Variants in REDIC1 observed in about 807,000 individuals in gnomAD.
REDIC1 encodes HEI10 Interacting Protein 1.
chr12:39,726,388 C>T, the REDIC1 span, among the ~76,000 whole-genome samples: 1 of 152,270 alleles, frequency 6.6e-6, no homozygotes, highest in Admixed American at 6.5e-5. Context: ...ACTCAACTCC[C>T]ACTTACGAGT....
the REDIC1 span, among the ~76,000 whole-genome samples, chr12:39,826,003 T>C: frequency 1.3e-5 from 2 of 152,152 alleles, no homozygotes; most frequent in South Asian, 2.1e-4. Flanking sequence ...AATATCTTTC[T>C]GTTGTTTTGT....
At chr12:39,902,791 TTTTAGTTATCTACTATGAATGAGG>T in the REDIC1 span, among the ~76,000 whole-genome samples, 1 of 152,134 alleles carries the variant, frequency 6.6e-6, no homozygotes, top group Non-Finnish European at 1.5e-5. Flanking sequence ...GTTTATATAG[TTTTAGTTATCTACTATGAATGAGG>T]TGAGTGGCAT....
At chr12:39,841,249 C>A in the REDIC1 span, among the ~76,000 whole-genome samples, 1 of 152,084 alleles carries the variant, frequency 6.6e-6, no homozygotes, top group African/African-American at 2.4e-5. Context: ...AGCCTAGTAG[C>A]CAGAATGGTT....
At chr12:39,901,007 C>A in the REDIC1 span, among the ~76,000 whole-genome samples, 4 of 152,244 alleles carry the variant, frequency 2.6e-5, no homozygotes, top group East Asian at 7.7e-4. Flanking sequence ...ATCAATGGAA[C>A]TGAACAGAGC....
chr12:39,851,184 GT>G, the REDIC1 span, among the ~76,000 whole-genome samples: 1 of 152,142 alleles, frequency 6.6e-6, no homozygotes, highest in Admixed American at 6.5e-5. Context: ...ACAGGCATGA[GT>G]CACCGTGTCC....
At chr12:39,711,989 T>C in the REDIC1 span, among the ~76,000 whole-genome samples, 1 of 138,138 alleles carries the variant, frequency 7.2e-6, no homozygotes, top group Non-Finnish European at 1.6e-5. Context: ...GTCATGTCTA[T>C]ATACATGTCT....
the REDIC1 span, among the ~76,000 whole-genome samples, chr12:39,657,523 G>A: frequency 6.6e-6 from 1 of 152,136 alleles, no homozygotes; most frequent in Non-Finnish European, 1.5e-5. Flanking sequence ...TCTCTTTTGT[G>A]GGAAGTATTT....
At chr12:39,838,921 T>G in the REDIC1 span, among the ~76,000 whole-genome samples, 2 of 152,088 alleles carry the variant, frequency 1.3e-5, no homozygotes, top group Non-Finnish European at 1.5e-5. Context: ...AAAATGCCTG[T>G]CTCTAGAATG....
the REDIC1 span, among the ~76,000 whole-genome samples, chr12:39,703,684 A>T: frequency 6.6e-6 from 1 of 152,208 alleles, no homozygotes; most frequent in Non-Finnish European, 1.5e-5. Flanking sequence ...AAACTATACT[A>T]CAAGGCTACA....
the REDIC1 span, among the ~76,000 whole-genome samples, chr12:39,736,500 T>C: frequency 6.6e-6 from 1 of 152,232 alleles, no homozygotes. Context: ...GAAAGGAATA[T>C]AAAAATTTGT....
the REDIC1 span, among the ~76,000 whole-genome samples, chr12:39,722,683 A>G: frequency 4.5e-4 from 68 of 152,286 alleles, no homozygotes; most frequent in African/African-American, 1.6e-3. Flanking sequence ...GTTTTTATCA[A>G]TATCATAATG....
chr12:39,734,757 A>G, the REDIC1 span, among the ~76,000 whole-genome samples: 4 of 152,192 alleles, frequency 2.6e-5, no homozygotes, highest in African/African-American at 9.7e-5. Flanking sequence ...CCAATATCAT[A>G]CTATCTTGAT....
the REDIC1 span, among the ~76,000 whole-genome samples, chr12:39,803,579 T>C: frequency 2.6e-5 from 4 of 151,856 alleles, no homozygotes; most frequent in African/African-American, 4.8e-5. Context: ...TACACACACA[T>C]ATATATATAG....
the REDIC1 span, among the ~76,000 whole-genome samples, chr12:39,655,068 G>T: frequency 2.6e-5 from 4 of 151,962 alleles, no homozygotes; most frequent in African/African-American, 9.7e-5. Context: ...TGTAAGATTG[G>T]TGTTTATATC....
At chr12:39,846,504 T>C in the REDIC1 span, among the ~76,000 whole-genome samples, 1 of 152,184 alleles carries the variant, frequency 6.6e-6, no homozygotes, top group Admixed American at 6.5e-5. Flanking sequence ...CCAGGGTGGG[T>C]GCAGTGGTGC....
At chr12:39,783,330 T>C in the REDIC1 span, among the ~76,000 whole-genome samples, 102 of 152,210 alleles carry the variant, frequency 6.7e-4, 1 homozygote, top group Admixed American at 6.5e-3. Context: ...GCAATAAACA[T>C]ACGTGTGCAT....
chr12:39,725,082 G>T, the REDIC1 span, among the ~76,000 whole-genome samples: 2 of 151,984 alleles, frequency 1.3e-5, no homozygotes, highest in South Asian at 4.2e-4. Flanking sequence ...TAAAATGACA[G>T]AGCCTCAAAG....
the REDIC1 span, among the ~76,000 whole-genome samples, chr12:39,797,730 A>ACACACACACACATACG: frequency 8.8e-4 from 11 of 12,468 alleles, 1 homozygote; most frequent in African/African-American, 1.8e-3. Flanking sequence ...TATGGTAAAC[A>ACACACACACACATACG]CACACACACA....
the REDIC1 span, among the ~76,000 whole-genome samples, chr12:39,694,288 G>A: frequency 6.6e-6 from 1 of 152,108 alleles, no homozygotes; most frequent in African/African-American, 2.4e-5. Flanking sequence ...AACTGCATAA[G>A]AGCACTCATA....
Sources: allele counts gnomAD v4.1 joint callset (sites outside exome capture counted in the v4.1 genomes callset), GRCh38; gene constraint gnomAD v4.1.1; transcripts MANE v1.5; gene names NCBI Gene and HGNC (gene_info 2026-07-23, HGNC 2026-07-21).